SLC9C1: variants seen among roughly 807,000 people sequenced by gnomAD.
SLC9C1 encodes sodium/hydrogen exchanger 10.
In SLC9C1, 97 loss-of-function variants were observed where a neutral mutation model predicts 140.9. That is an observed-to-expected ratio of 0.69 (90% CI 0.58 to 0.82). The LOEUF is 0.82. Among genes scored for constraint, SLC9C1 ranks in the 40% least tolerant of loss-of-function variants. The probability of loss-of-function intolerance (pLI) is 0.00; values close to 1 mark genes in which losing one functional copy is unlikely to be tolerated. For missense variants in SLC9C1, 1,340 were observed against 1,389.3 expected (o/e 0.96, Z 0.56); for synonymous variants, 440 against 442.6 (o/e 0.99, Z 0.07).
chr3:112,289,099 A>AT (rs1039097695), intron 1 of SLC9C1, among the ~76,000 whole-genome samples: 1 of 152,134 alleles, frequency 6.6e-6, no homozygotes, highest in African/African-American at 2.4e-5. Flanking sequence ...ACATTGCTCA[A>AT]TTTTTAGTCT....
intron 8 of SLC9C1, among the ~76,000 whole-genome samples, chr3:112,264,959 T>G (rs1345034978): frequency 6.6e-6 from 1 of 151,940 alleles, no homozygotes; most frequent in Non-Finnish European, 1.5e-5. Context: ...AATATTGACA[T>G]CACTAAGAAT....
At chr3:112,228,705 T>C (rs1001253136) in intron 13 of SLC9C1, among the ~76,000 whole-genome samples, 1 of 151,714 alleles carries the variant, frequency 6.6e-6, no homozygotes, top group Non-Finnish European at 1.5e-5. Flanking sequence ...AACAAACAAA[T>C]AGTATGATTT....
At chr3:112,191,439 A>G (rs941740114) in intron 20 of SLC9C1, among the ~76,000 whole-genome samples, 2 of 152,084 alleles carry the variant, frequency 1.3e-5, no homozygotes, top group African/African-American at 4.8e-5. Context: ...TTCTATATCA[A>G]TTGGGAAAAT....
intron 23 of SLC9C1, among the ~76,000 whole-genome samples, chr3:112,178,420 G>A (rs577345922): frequency 6.6e-6 from 1 of 152,186 alleles, no homozygotes; most frequent in South Asian, 2.1e-4. Context: ...AAGCCACCAT[G>A]TCTGCTACTC....
At chr3:112,166,480 A>G (rs922279671) in intron 26 of SLC9C1, among the ~76,000 whole-genome samples, 5 of 152,322 alleles carry the variant, frequency 3.3e-5, no homozygotes, top group Non-Finnish European at 5.9e-5. Flanking sequence ...CATGGTGGAC[A>G]GCACCTCTTC....
intron 6 of SLC9C1, among the ~76,000 whole-genome samples, chr3:112,273,521 GT>G (rs1381702488): frequency 6.6e-6 from 1 of 152,170 alleles, no homozygotes; most frequent in East Asian, 1.9e-4. Flanking sequence ...CTATGCCCAA[GT>G]GGGGTAACTG....
At position 112,254,908 on chromosome 3, in the gene SLC9C1, C is replaced by CA. The variant is rs1161597490; in HGVS notation, c.1197+8015dup. On this transcript the variant is annotated intron_variant, in intron 10 of 28. Transcript: ENST00000305815. ...AAATATTTTCCAAGCAAATGGAAAA[C>CA]AAAAAAAAAGCAGGAGTTAAACAAT... Among the ~76,000 whole-genome samples, 197 of 149,482 alleles carry CA rather than the reference C, an allele frequency of 1.3e-3. 1 individual carries two copies. The highest frequency in any genetic ancestry group is 3.1e-3 in the African/African-American group (128 of 40,834).
intron 26 of SLC9C1, 103 bp downstream of exon 26, chr3:112,167,118 C>T: frequency 7.6e-7 from 1 of 1,322,794 alleles, no homozygotes; most frequent in Non-Finnish European, 1.0e-6. Flanking sequence ...AAGGATTCCT[C>T]AATATATTAG....
rs2077164118 is a variant in SLC9C1, at chr3:112,167,622, CCA to C, written c.3238-277_3238-276del. On this transcript the variant is annotated intron_variant, in intron 25 of 28. Transcript: ENST00000305815. ...TTACCAATGGCCCTTTAAAAATCATCCAGAGACTTTTTCCACATGGCAGAAAG... is the reference window on the plus strand; with the variant it reads ...TTACCAATGGCCCTTTAAAAATCATCGAGACTTTTTCCACATGGCAGAAAG... 2.6e-5 allele frequency among the ~76,000 whole-genome samples: 4 copies of C among 151,940 alleles called. No homozygotes were observed. In the South Asian group the frequency reaches 8.3e-4, roughly 32 times the overall value.
chr3:112,146,200 GCTTT>G lies in SLC9C1; in HGVS notation c.3525-4923_3525-4920del, dbSNP rs569059830. On this transcript the variant is annotated intron_variant, in intron 28 of 28. Coordinates refer to ENST00000305815, the MANE Select transcript of SLC9C1 (RefSeq NM_183061.3). ...TCATTTCTGATTGTGTGTATTTGGA[GCTTT>G]CTTTTTTTTTTTAATCTAGCTAGTG... Among the ~76,000 whole-genome samples the G allele has an allele frequency of 2.0e-4, 30 of 151,322 alleles. No individual in the cohort carries two copies. The South Asian group carries it at 2.7e-3, about 14-fold the overall frequency.
chr3:112,277,641 GT>G (rs2080250433), intron 5 of SLC9C1, 53 bp downstream of exon 5: 1 of 1,365,330 alleles, frequency 7.3e-7, no homozygotes, highest in South Asian at 1.9e-5. Context: ...TAAAATACAA[GT>G]TCATTATGAA....
intron 17 of SLC9C1, among the ~76,000 whole-genome samples, chr3:112,203,497 G>A (rs4419354): frequency 1 from 151,461 of 152,152 alleles, 75,391 homozygotes; most frequent in Middle Eastern, 1. Flanking sequence ...ATTATTCCTT[G>A]CATGTGTAAG....
chr3:112,170,355 A>G (rs1285447291), intron 23 of SLC9C1, among the ~76,000 whole-genome samples: 2 of 152,208 alleles, frequency 1.3e-5, no homozygotes, highest in South Asian at 4.1e-4. Flanking sequence ...TGTAGTTTTC[A>G]TGTGCATTTT....
Position 112,231,346 on chromosome 3 carries a change from A to C in SLC9C1, c.1572+15T>G. 1 of 1,607,210 alleles carries C rather than the reference A, an allele frequency of 6.2e-7. No homozygotes were observed. The highest frequency in any genetic ancestry group is 8.5e-7 in the Non-Finnish European group (1 of 1,178,226). On this transcript the variant is annotated intron_variant, in intron 13 of 28. Coordinates refer to ENST00000305815, the MANE Select transcript of SLC9C1 (RefSeq NM_183061.3). ...TTTTGGCCAAACATAATTTCAAAAG[A>C]GAATAATACAGTACTATTTGTGCTG...
chr3:112,186,709 C>A (rs1351852599), intron 20 of SLC9C1, among the ~76,000 whole-genome samples: 1 of 152,126 alleles, frequency 6.6e-6, no homozygotes, highest in African/African-American at 2.4e-5. Context: ...GAAAACTTAA[C>A]AAGTTTCAGT....
intron 15 of SLC9C1, among the ~76,000 whole-genome samples, chr3:112,217,201 G>T (rs1251844658): frequency 6.6e-6 from 1 of 152,040 alleles, no homozygotes; most frequent in African/African-American, 2.4e-5. Flanking sequence ...ACTGGGGCCT[G>T]TTGTGGGGTG....
At position 112,208,234 on chromosome 3, in the gene SLC9C1, A is replaced by G. The variant is rs1187688087; in HGVS notation, c.1930T>C (p.Leu644=). The G allele has an allele frequency of 1.2e-6, 2 of 1,611,212 alleles. No homozygotes were observed. The highest frequency in any genetic ancestry group is 2.7e-5 in the African/African-American group (2 of 74,744). The part of the protein sequence containing the change: ...SQLNVIYHSE[L]KHTNYCFLTL... The stretch of plus-strand genomic sequence containing the variant: ...AGAAAACAGTAGTTAGTGTGTTTTA[A>G]TTCGCTGTGGTAGATTACATTTAAC... Residue 644 remains leucine (L), a synonymous_variant, in exon 16 of 29, where the codon TTA becomes CTA. Coordinates refer to ENST00000305815, the MANE Select transcript of SLC9C1 (RefSeq NM_183061.3).
Position 112,217,508 on chromosome 3 carries a change from G to T in SLC9C1, c.1724C>A (p.Thr575Asn). ...ATTAAGTAGTAGTTTTCTAGCAAAG[G>T]TAACTGTTTTTTGGCTTTCAGAATA... Reference protein sequence around the residue: ...KNYSESQKTVTFARKLLLNWV... With the variant: ...KNYSESQKTVNFARKLLLNWV... The change falls in exon 15 of 29, where the codon ACC (threonine) becomes AAC (asparagine). Residue 575 changes from threonine (T) to asparagine (N), a missense_variant. Physicochemically the swap from Thr to Asn is moderately conservative, Grantham distance 65. Transcript: ENST00000305815. The T allele has an allele frequency of 6.2e-7, 1 of 1,609,844 alleles. No individual in the cohort carries two copies. The highest frequency in any genetic ancestry group is 1.1e-5 in the South Asian group (1 of 89,916).
At chr3:112,263,480 G>T (rs1038554029) in intron 9 of SLC9C1, among the ~76,000 whole-genome samples, 2 of 150,794 alleles carry the variant, frequency 1.3e-5, no homozygotes, top group African/African-American at 4.9e-5. Flanking sequence ...TTTGTTTATA[G>T]ATTTTAATCT....
Sources: allele counts gnomAD v4.1 joint callset (sites outside exome capture counted in the v4.1 genomes callset), GRCh38; gene constraint gnomAD v4.1.1; transcripts MANE v1.5; gene names NCBI Gene and HGNC (gene_info 2026-07-23, HGNC 2026-07-21).